The following ZDHHC20 variants were observed in gnomAD, a reference collection of about 807,000 sequenced individuals.
ZDHHC20 encodes the protein palmitoyltransferase ZDHHC20.
Under a neutral mutation model 57.8 loss-of-function variants are expected in ZDHHC20, and 43 were observed. The ratio of observed to expected loss-of-function variants is 0.74; its 90% CI spans 0.58 to 0.96. The LOEUF (loss-of-function observed/expected upper bound fraction) is 0.96. ZDHHC20 is among the 40% of genes least tolerant of loss of function. The pLI is 0.00. For synonymous variants in ZDHHC20, 157 were observed against 153.0 expected, an observed-to-expected ratio of 1.03 and a Z score of -0.19; for missense variants, 391 against 441.1, an observed-to-expected ratio of 0.89 and a Z score of 1.02.
At position 21,441,408 on chromosome 13, in the gene ZDHHC20, C is replaced by T. The variant is rs375456426; in HGVS notation, c.119-15730G>A. Among the ~76,000 whole-genome samples the T allele has an allele frequency of 3.8e-3, 570 of 148,096 alleles. 2 individuals are homozygous for T. The highest frequency in any genetic ancestry group is 0.02 in the South Asian group (94 of 4,718). On this transcript the variant is annotated intron_variant, in intron 1 of 12. Transcript: ENST00000400590. ...TTTTCTCTCTTTTTTTTTTTTGAGACGGAGTCTAGCACTGTCGCCCAGGCT... is the reference window on the plus strand; with the variant it reads ...TTTTCTCTCTTTTTTTTTTTTGAGATGGAGTCTAGCACTGTCGCCCAGGCT...
intron 1 of ZDHHC20, among the ~76,000 whole-genome samples, chr13:21,446,928 T>C (rs1040974577): frequency 1.3e-5 from 2 of 152,124 alleles, no homozygotes; most frequent in African/African-American, 2.4e-5. Context: ...AAGTAATGAA[T>C]ACACAATGCC....
intron 2 of ZDHHC20, among the ~76,000 whole-genome samples, chr13:21,423,381 G>GT (rs1880860838): frequency 6.6e-6 from 1 of 152,154 alleles, no homozygotes; most frequent in African/African-American, 2.4e-5. Flanking sequence ...AATGGACTCA[G>GT]TATCATTGCT....
chr13:21,384,354 C>T (rs754306233), intron 9 of ZDHHC20, among the ~76,000 whole-genome samples: 2 of 150,010 alleles, frequency 1.3e-5, no homozygotes, highest in African/African-American at 4.9e-5. Flanking sequence ...GCATACGAAT[C>T]GCTTGAACCC....
intron 1 of ZDHHC20, among the ~76,000 whole-genome samples, chr13:21,433,024 G>T (rs1566104472): frequency 6.6e-6 from 1 of 152,140 alleles, no homozygotes; most frequent in African/African-American, 2.4e-5. Flanking sequence ...ATTACATATA[G>T]CTTTCAGTAA....
At chr13:21,390,851 G>C (rs1348171971) in intron 8 of ZDHHC20, among the ~76,000 whole-genome samples, 2 of 151,074 alleles carry the variant, frequency 1.3e-5, no homozygotes, top group African/African-American at 2.4e-5. Flanking sequence ...AGTGAGCTGT[G>C]ATGGTACTAC....
At chr13:21,425,495 C>A (rs907168973) in intron 2 of ZDHHC20, among the ~76,000 whole-genome samples, 157 bp downstream of exon 2, 1 of 151,960 alleles carries the variant, frequency 6.6e-6, no homozygotes, top group Non-Finnish European at 1.5e-5. Context: ...CTGGAAATAA[C>A]CCCATTACTA....
chr13:21,381,837 A>C (rs1329761787), intron 10 of ZDHHC20: 4 of 558,378 alleles, frequency 7.2e-6, no homozygotes, highest in Non-Finnish European at 1.4e-5. Flanking sequence ...TATGTTAATC[A>C]GGAGCCATAG....
Position 21,421,153 on chromosome 13 carries a change from C to A in ZDHHC20, c.157G>T (p.Val53Phe). The A allele has an allele frequency of 1.2e-6, 2 of 1,612,910 alleles. No homozygotes were observed. Among genetic ancestry groups the A allele is most frequent in the Non-Finnish European group, 1.7e-6 (2 of 1,179,416 alleles). The change falls in exon 3 of 13, where the codon GTT becomes TTT. Residue 53 changes from valine (V) to phenylalanine (F), a missense_variant. Val to Phe is a conservative substitution (Grantham distance 50). This residue lies in a region of ZDHHC20 where 185 missense variants were observed against 188.0 expected (regional missense o/e 0.98). Coordinates refer to ENST00000400590, the MANE Select transcript of ZDHHC20 (RefSeq NM_001330059.2). ...AACAGATGGAAAGCCACAAGGTAAA[C>A]AACGGTCTTTCCTGGTAAATAAAAA... ...FGNEENGKTV[V>F]YLVAFHLFFV...
intron 6 of ZDHHC20, among the ~76,000 whole-genome samples, chr13:21,400,752 C>T (rs1394501321): frequency 6.6e-6 from 1 of 152,048 alleles, no homozygotes; most frequent in Non-Finnish European, 1.5e-5. Flanking sequence ...ATTCTGTTGC[C>T]CAGGCTGGAG....
chr13:21,426,132 G>GT (rs1881218696), intron 1 of ZDHHC20, among the ~76,000 whole-genome samples: 1 of 152,118 alleles, frequency 6.6e-6, no homozygotes, highest in Non-Finnish European at 1.5e-5. Flanking sequence ...CTAATTTTTA[G>GT]TGTTTTTTTC....
intron 4 of ZDHHC20, among the ~76,000 whole-genome samples, chr13:21,407,243 C>T (rs556058414): frequency 6.6e-6 from 1 of 152,262 alleles, no homozygotes; most frequent in Non-Finnish European, 1.5e-5. Context: ...ATCCACCTGC[C>T]TCGGCCTCCC....
chr13:21,384,984 A>C (rs1460522006), intron 9 of ZDHHC20, among the ~76,000 whole-genome samples: 1 of 152,244 alleles, frequency 6.6e-6, no homozygotes, highest in African/African-American at 2.4e-5. Context: ...CAATAGAAAA[A>C]AATCAGAAAA....
At position 21,421,167 on chromosome 13, in the gene ZDHHC20, G is replaced by A. The variant is rs1490483229; in HGVS notation, c.146-3C>T. On this transcript the variant is annotated splice_region_variant and splice_polypyrimidine_tract_variant and intron_variant, in intron 2 of 12. Transcript: ENST00000400590. ...CACAAGGTAAACAACGGTCTTTCCT[G>A]GTAAATAAAAACAAATAACAGTTCA... 1.2e-6 allele frequency: 2 copies of A among 1,610,102 alleles called. No individual in the cohort carries two copies. Among genetic ancestry groups the A allele is most frequent in the East Asian group, 2.2e-5 (1 of 44,740 alleles).
At chr13:21,450,102 A>G (rs1884303454) in intron 1 of ZDHHC20, among the ~76,000 whole-genome samples, 1 of 152,140 alleles carries the variant, frequency 6.6e-6, no homozygotes, top group African/African-American at 2.4e-5. Flanking sequence ...TCAACCCAAG[A>G]AGTAGAAGGA....
At chr13:21,424,192 A>T (rs1880989350) in intron 2 of ZDHHC20, among the ~76,000 whole-genome samples, 1 of 152,226 alleles carries the variant, frequency 6.6e-6, no homozygotes, top group Admixed American at 6.5e-5. Flanking sequence ...CTAAATTCAA[A>T]TTAATGTGAT....
chr13:21,436,377 G>A (rs1385412992), intron 1 of ZDHHC20, among the ~76,000 whole-genome samples: 1 of 152,168 alleles, frequency 6.6e-6, no homozygotes, highest in Non-Finnish European at 1.5e-5. Context: ...CAAATCGAAG[G>A]TTGTGGCAAC....
At chr13:21,439,605 A>G (rs1054754114) in intron 1 of ZDHHC20, among the ~76,000 whole-genome samples, 5 of 152,202 alleles carry the variant, frequency 3.3e-5, no homozygotes, top group Non-Finnish European at 7.4e-5. Flanking sequence ...TCTTCCAAAT[A>G]TAAGGACACT....
chr13:21,391,682 C>T (rs912932758), intron 8 of ZDHHC20, 40 bp downstream of exon 8: 12 of 1,559,808 alleles, frequency 7.7e-6, no homozygotes, highest in East Asian at 2.2e-5. Context: ...TATTTATGGT[C>T]ATTGTCCTAA....
chr13:21,413,739 C>G lies in ZDHHC20; in HGVS notation c.283G>C (p.Glu95Gln), dbSNP rs1879547725. ...YLSNSEKERY[E>Q]KEFSQERQQE... is the part of the protein sequence containing the mutation. ...TGTCTTTCTTGGCTGAATTCTTTTT[C>G]ATAACGTTCCTTTTCAGAATTGGAC... Residue 95 changes from glutamate (E) to glutamine (Q), a missense_variant, in exon 4 of 13, where the codon GAA (glutamate) becomes CAA (glutamine). By Grantham distance (29) the Glu-to-Gln change is conservative (BLOSUM62 2). This residue lies in a region of ZDHHC20 where 185 missense variants were observed against 188.0 expected (regional missense o/e 0.98). Transcript: ENST00000400590. 4 of 1,611,046 alleles carry G rather than the reference C, an allele frequency of 2.5e-6. No individual in the cohort carries two copies. The highest frequency in any genetic ancestry group is 3.4e-6 in the Non-Finnish European group (4 of 1,178,652).
Sources: allele counts gnomAD v4.1 joint callset (sites outside exome capture counted in the v4.1 genomes callset), GRCh38; gene constraint gnomAD v4.1.1; regional missense constraint gnomAD v4.1.1; transcripts MANE v1.5; gene names NCBI Gene and HGNC (gene_info 2026-07-23, HGNC 2026-07-21).